HNF1A: variants seen among roughly 807,000 people sequenced by gnomAD.
The protein encoded by HNF1A is HNF1 homeobox A.
HNF1A carries 21 observed loss-of-function variants against 62.2 expected under a neutral mutation model. The ratio of observed to expected loss-of-function variants is 0.34; its 90% confidence interval spans 0.24 to 0.49. The LOEUF (loss-of-function observed/expected upper bound fraction) is 0.49, where lower values mean the gene tolerates loss of function less well. Among genes scored for constraint, HNF1A ranks in the 20% least tolerant of loss-of-function variants. The pLI is 0.99. For synonymous variants in HNF1A, 374 were observed against 366.8 expected, an observed-to-expected ratio of 1.02 and a Z score of -0.22; for missense variants, 687 against 832.3, an observed-to-expected ratio of 0.83 and a Z score of 2.15.
Position 121,001,746 on chromosome 12 carries a change from A to C in HNF1A, c.*554A>C, listed in dbSNP as rs1465487978. The C allele has an allele frequency of 3.2e-5, 17 of 532,926 alleles. No homozygotes were observed. The highest frequency in any genetic ancestry group is 2.6e-4 in the South Asian group (17 of 64,728). The allele number at this position is 532,926 out of a possible 1,614,324, so 33.0% of individuals were successfully genotyped here. ...TGTACTGACCCCATCACCTACTCAC[A>C]CAGGCATTTCCTGGGTGGCTACTCT... On this transcript the variant is annotated 3_prime_UTR_variant, in exon 10 of 10. Coordinates refer to ENST00000257555, the MANE Select transcript of HNF1A (RefSeq NM_000545.8).
At position 120,996,041 on chromosome 12, in the gene HNF1A, A is replaced by G. The variant is rs10849828; in HGVS notation, c.956-221A>G. 0.74 allele frequency among the ~76,000 whole-genome samples: 112,953 copies of G among 152,136 alleles called. 43,381 individuals are homozygous for G. The highest frequency in any genetic ancestry group is 0.91 in the Middle Eastern group (268 of 294). On this transcript the variant is annotated intron_variant, in intron 4 of 9. Coordinates refer to ENST00000257555, the MANE Select transcript of HNF1A (RefSeq NM_000545.8). The surrounding 1 kb of genome is among the most constrained non-coding windows in gnomAD (Gnocchi z 4.5). ...GTCAGGTATAGCACTAGGCAGTGGG[A>G]GGAATGGAGCTAATAAATGCAGTCC...
At chr12:120,990,684 AAGGAAGG>A (rs1876792438) in intron 2 of HNF1A, among the ~76,000 whole-genome samples, 1 of 149,794 alleles carries the variant, frequency 6.7e-6, no homozygotes, top group African/African-American at 2.5e-5. Context: ...GAAAGGGAGG[AAGGAAGG>A]AAGGAAGGAA....
At chr12:120,994,060 C>T in intron 3 of HNF1A, 104 bp from the exon 4 acceptor site, 1 of 1,508,162 alleles carries the variant, frequency 6.6e-7, no homozygotes, top group South Asian at 1.2e-5. Context: ...CTGCCAGCCT[C>T]AAACCCTCCG....
Position 120,987,139 on chromosome 12 carries a change from G to A in HNF1A, c.327-1694G>A, listed in dbSNP as rs182728482. On this transcript the variant is annotated intron_variant, in intron 1 of 9. Transcript: ENST00000257555. ...TGTTCACATGCATTTTTGGTACTATGAGGCCTCTGAATGTCAACCCTGTCA... is the reference window on the plus strand; with the variant it reads ...TGTTCACATGCATTTTTGGTACTATAAGGCCTCTGAATGTCAACCCTGTCA... 2.0e-5 allele frequency among the ~76,000 whole-genome samples: 3 copies of A among 152,160 alleles called. No individual in the cohort carries two copies. The East Asian group carries it at 5.8e-4, about 29-fold the overall frequency.
intron 2 of HNF1A, among the ~76,000 whole-genome samples, chr12:120,990,680 GAGGA>G (rs111314068): frequency 0.022 from 3,249 of 146,662 alleles, 44 homozygotes; most frequent in Non-Finnish European, 0.031. Context: ...GTAGGAAAGG[GAGGA>G]AGGAAGGAAG....
At chr12:120,989,153 C>T (rs1876684826) in intron 2 of HNF1A, 121 bp downstream of exon 2, 1 of 959,984 alleles carries the variant, frequency 1.0e-6, no homozygotes, top group Non-Finnish European at 1.6e-6. Flanking sequence ...GAAAGGAAGT[C>T]AGTGGGATTC....
rs529412502 is a variant in HNF1A, at chr12:120,996,307, C to A, written c.1001C>A (p.Pro334His). 2 of 1,614,202 alleles carry A rather than the reference C, an allele frequency of 1.2e-6. No homozygotes were observed. The highest frequency in any genetic ancestry group is 4.5e-5 in the East Asian group (2 of 44,880). ...GCGACCAGTGAGACTGCAGAAGTAC[C>A]CTCAAGCAGCGGCGGTCCCTTAGTG... Reference protein sequence around the residue: ...QPATSETAEVPSSSGGPLVTV... With the variant: ...QPATSETAEVHSSSGGPLVTV... Residue 334 changes from proline to histidine, a missense_variant, in exon 5 of 10, where the codon CCC (proline) becomes CAC (histidine). Pro to His is a moderately conservative substitution (Grantham distance 77). Around this residue, in one of 5 missense-constraint regions of HNF1A, gnomAD observed 408 missense variants for 455.3 expected, o/e 0.90. Coordinates refer to ENST00000257555, the MANE Select transcript of HNF1A (RefSeq NM_000545.8). The surrounding 1 kb of genome is among the most constrained non-coding windows in gnomAD (Gnocchi z 4.5).
chr12:120,982,485 G>A (rs56197124), intron 1 of HNF1A, among the ~76,000 whole-genome samples: 4,595 of 152,026 alleles, frequency 0.03, 231 homozygotes, highest in African/African-American at 0.11. Flanking sequence ...AGGATCTGAC[G>A]TCCCCAACAA....
At position 120,997,578 on chromosome 12, in the gene HNF1A, T is replaced by C. The variant is rs779267283; in HGVS notation, c.1414T>C (p.Tyr472His). ...VQFSQPLHPS[Y>H]QQPLMPPVQS... Reference sequence around the variant, plus strand: ...GTTCTCCCAGCCGCTGCACCCCTCCTACCAGCAGCCGCTCATGCCACCTGT... The same window carrying C: ...GTTCTCCCAGCCGCTGCACCCCTCCCACCAGCAGCCGCTCATGCCACCTGT... Residue 472 changes from tyrosine to histidine, a missense_variant, in exon 7 of 10, where the codon TAC (tyrosine) becomes CAC (histidine). Physicochemically the swap from Tyr to His is moderately conservative, Grantham distance 83. Coordinates refer to ENST00000257555, the MANE Select transcript of HNF1A (RefSeq NM_000545.8). 7 of 1,613,876 alleles carry C rather than the reference T, an allele frequency of 4.3e-6. No homozygotes were observed. Among genetic ancestry groups the C allele is most frequent in the Non-Finnish European group, 5.9e-6 (7 of 1,179,996 alleles).
intron 7 of HNF1A, 118 bp from the exon 8 acceptor site, chr12:120,999,150 C>T (rs1292841114): frequency 2.4e-6 from 3 of 1,257,098 alleles, no homozygotes; most frequent in African/African-American, 1.5e-5. Flanking sequence ...GGATCTCCAA[C>T]TGCTGCCCAG....
chr12:120,984,977 AC>A (rs1876436323), intron 1 of HNF1A, among the ~76,000 whole-genome samples: 1 of 137,082 alleles, frequency 7.3e-6, no homozygotes, highest in African/African-American at 2.8e-5. Context: ...ACAGGATTTC[AC>A]TCTGTCGCCA....
chr12:120,988,782 A>G, intron 1 of HNF1A, 51 bp from the exon 2 acceptor site: 1 of 1,560,672 alleles, frequency 6.4e-7, no homozygotes, highest in African/African-American at 1.4e-5. Flanking sequence ...AGCCCCACCT[A>G]TGGGGAGAGA....
At position 120,988,973 on chromosome 12, in the gene HNF1A, C is replaced by T. The variant is rs150513055; in HGVS notation, c.467C>T (p.Thr156Met). ...QHLNKGTPMK[T>M]QKRAALYTWY... ...CTCAACAAGGGCACTCCCATGAAGA[C>T]GCAGAAGCGGGCCGCCCTGTACACC... The change falls in exon 2 of 10, where the codon ACG becomes ATG. Residue 156 changes from threonine (T) to methionine (M), a missense_variant. Around this residue, in one of 5 missense-constraint regions of HNF1A, gnomAD observed 26 missense variants for 60.7 expected, o/e 0.43. Coordinates refer to ENST00000257555, the MANE Select transcript of HNF1A (RefSeq NM_000545.8). The T allele has an allele frequency of 3.1e-5, 50 of 1,614,226 alleles. No homozygotes were observed. The highest frequency in any genetic ancestry group is 1.3e-4 in the South Asian group (12 of 91,090).
intron 1 of HNF1A, among the ~76,000 whole-genome samples, chr12:120,985,088 G>A (rs986739345): frequency 2.6e-5 from 4 of 151,794 alleles, no homozygotes; most frequent in Admixed American, 1.3e-4. Context: ...TGGGACTACA[G>A]GCTTGTGCCA....
Position 120,995,981 on chromosome 12 carries a change from C to A in HNF1A, c.956-281C>A, listed in dbSNP as rs906027513. Among the ~76,000 whole-genome samples, 40 of 152,288 alleles carry A rather than the reference C, an allele frequency of 2.6e-4. 2 individuals are homozygous for A. The highest frequency in any genetic ancestry group is 1.6e-3 in the Admixed American group (25 of 15,286). ...CAATTCAACTAAATTCAGTTAAATT[C>A]AGTTCAGTTGTCTTCTACTGAGCAC... On this transcript the variant is annotated intron_variant, in intron 4 of 9. Coordinates refer to ENST00000257555, the MANE Select transcript of HNF1A (RefSeq NM_000545.8).
intron 1 of HNF1A, among the ~76,000 whole-genome samples, chr12:120,982,395 T>C (rs1876296934): frequency 6.6e-6 from 1 of 152,074 alleles, no homozygotes; most frequent in South Asian, 2.1e-4. Context: ...TCTTGAAGTA[T>C]TCTGATCCTG....
At chr12:120,993,468 G>A (rs1050611920) in intron 2 of HNF1A, 52 bp from the exon 3 acceptor site, 15 of 1,569,750 alleles carry the variant, frequency 9.6e-6, no homozygotes, top group East Asian at 9.0e-5. Context: ...GGGAATGGAC[G>A]TGGGAAGGTG....
At chr12:120,987,589 A>AATAT (rs576184412) in intron 1 of HNF1A, among the ~76,000 whole-genome samples, 54 of 18,810 alleles carry the variant, frequency 2.9e-3, no homozygotes, top group South Asian at 0.018. Context: ...CATTTTTAAA[A>AATAT]ATATATATAT....
In HNF1A at chr12:120,988,604, G is replaced by A. The variant is rs56375698; in HGVS notation, c.327-229G>A. Among the ~76,000 whole-genome samples, 276 of 152,324 alleles carry A rather than the reference G, an allele frequency of 1.8e-3. 1 individual carries two copies. The highest frequency in any genetic ancestry group is 6.2e-3 in the African/African-American group (256 of 41,556). On this transcript the variant is annotated intron_variant, in intron 1 of 9. Transcript: ENST00000257555. ...GTGTCCACGTTTGTCATGTGTGTGCGTCTACAAGTCTCTGTCCTCATGACC... is the reference window on the plus strand; with the variant it reads ...GTGTCCACGTTTGTCATGTGTGTGCATCTACAAGTCTCTGTCCTCATGACC...
Sources: allele counts gnomAD v4.1 joint callset (sites outside exome capture counted in the v4.1 genomes callset), GRCh38; gene constraint gnomAD v4.1.1; regional missense constraint gnomAD v4.1.1; non-coding constraint Gnocchi (gnomAD v3.1); transcripts MANE v1.5; gene names NCBI Gene and HGNC (gene_info 2026-07-23, HGNC 2026-07-21).